The following RASGEF1C variants were observed in gnomAD, a reference collection of about 807,000 sequenced individuals.
RASGEF1C encodes RasGEF domain family member 1C, also known as ras-GEF domain-containing family member 1C.
A neutral mutation model predicts 58.1 loss-of-function variants in RASGEF1C; 27 were observed. That is an observed-to-expected ratio of 0.46 (90% CI 0.34 to 0.64). The LOEUF (loss-of-function observed/expected upper bound fraction) is 0.64, where lower values mean the gene tolerates loss of function less well. Among genes scored for constraint, RASGEF1C ranks in the 30% least tolerant of loss-of-function variants. The pLI is 0.01. For synonymous variants in RASGEF1C, 243 were observed against 246.3 expected (o/e 0.99, Z 0.13); for missense variants, 502 against 605.1 (o/e 0.83, Z 1.79).
intron 1 of RASGEF1C, 114 bp from the exon 2 acceptor site, chr5:180,138,172 A>C: frequency 3.4e-6 from 2 of 593,642 alleles, no homozygotes; most frequent in Non-Finnish European, 5.6e-6. Context: ...CCCCACAGCC[A>C]CTTTGTGCCA....
chr5:180,173,783 G>A (rs150593438), intron 1 of RASGEF1C, among the ~76,000 whole-genome samples: 7 of 151,930 alleles, frequency 4.6e-5, no homozygotes, highest in African/African-American at 7.3e-5. Flanking sequence ...CGTGGTGGTG[G>A]GCGCCTGTAA....
intron 1 of RASGEF1C, among the ~76,000 whole-genome samples, chr5:180,173,529 C>G (rs1364390495): frequency 2.0e-5 from 3 of 152,188 alleles, no homozygotes; most frequent in Non-Finnish European, 4.4e-5. Context: ...CTGTCAAGGT[C>G]TGGAAAATCT....
chr5:180,153,310 C>T (rs991466821), intron 1 of RASGEF1C, among the ~76,000 whole-genome samples: 1 of 152,194 alleles, frequency 6.6e-6, no homozygotes, highest in Non-Finnish European at 1.5e-5. Context: ...CTGGCTCCCA[C>T]AGGCTGTGTG....
chr5:180,209,205 G>C lies in RASGEF1C; in HGVS notation c.-184C>G, dbSNP rs895202021. 19 of 147,418 alleles carry C rather than the reference G, an allele frequency of 1.3e-4. No individual in the cohort carries two copies. The highest frequency in any genetic ancestry group is 2.7e-4 in the African/African-American group (11 of 41,024). The allele number at this position is 147,418 out of a possible 1,614,324, so 9.1% of individuals were successfully genotyped here. Reference sequence around the variant, plus strand: ...ACGAGCGCCTGGCGGCGGCCCCGGAGCAACGCGGCGCTGCGCCCCCTCGTG... The same window carrying C: ...ACGAGCGCCTGGCGGCGGCCCCGGACCAACGCGGCGCTGCGCCCCCTCGTG... On this transcript the variant is annotated 5_prime_UTR_variant, in exon 1 of 14. Transcript: ENST00000361132.
chr5:180,195,901 T>A (rs1446095776), intron 1 of RASGEF1C, among the ~76,000 whole-genome samples: 1 of 152,110 alleles, frequency 6.6e-6, no homozygotes, highest in Admixed American at 6.6e-5. Context: ...GTCCCCACTA[T>A]CTGGAATATT....
At position 180,101,187 on chromosome 5, in the gene RASGEF1C, C is replaced by G. The variant is rs917882324; in HGVS notation, c.*314G>C. The G allele has an allele frequency of 2.4e-6, 1 of 422,936 alleles. No homozygotes were observed. The highest frequency in any genetic ancestry group is 2.0e-5 in the African/African-American group (1 of 50,382). The allele number at this position is 422,936 out of a possible 1,614,324, so 26.2% of individuals were successfully genotyped here. ...CTCGAGCTTGCAGTGGTCCCACCCT[C>G]TGGGGCAGTGTTGTGTCCTTGCCGA... On this transcript the variant is annotated 3_prime_UTR_variant, in exon 14 of 14. Coordinates refer to ENST00000361132, the MANE Select transcript of RASGEF1C (RefSeq NM_175062.4).
chr5:180,114,321 G>A (rs772497765), intron 11 of RASGEF1C, 125 bp downstream of exon 11: 34 of 805,510 alleles, frequency 4.2e-5, no homozygotes, highest in South Asian at 8.0e-5. Flanking sequence ...TGCCAAGGTC[G>A]GCTGTGAACT....
chr5:180,175,966 C>T (rs894129988), intron 1 of RASGEF1C, among the ~76,000 whole-genome samples: 11 of 152,264 alleles, frequency 7.2e-5, no homozygotes, highest in Middle Eastern at 3.4e-3. Context: ...CCAGCCTGGG[C>T]GACAGAGCGG....
chr5:180,109,203 T>C (rs549142062), intron 12 of RASGEF1C, among the ~76,000 whole-genome samples: 1 of 152,266 alleles, frequency 6.6e-6, no homozygotes, highest in South Asian at 2.1e-4. Context: ...ACGCCTGTAA[T>C]CCCAGCACTT....
chr5:180,208,008 C>G (rs906233082), intron 1 of RASGEF1C, among the ~76,000 whole-genome samples: 5 of 152,176 alleles, frequency 3.3e-5, no homozygotes, highest in Non-Finnish European at 7.4e-5. Context: ...TGAGCACTTA[C>G]GGGGGCAGGC....
At chr5:180,118,508 T>C (rs778354117) in intron 10 of RASGEF1C, 101 bp downstream of exon 10, 15 of 1,105,488 alleles carry the variant, frequency 1.4e-5, no homozygotes, top group Non-Finnish European at 2.0e-5. Flanking sequence ...TGGCTGTCTA[T>C]TACTGATGCT....
intron 1 of RASGEF1C, among the ~76,000 whole-genome samples, chr5:180,191,457 C>T (rs998188098): frequency 3.3e-5 from 5 of 152,144 alleles, no homozygotes; most frequent in African/African-American, 4.8e-5. Flanking sequence ...CCCGGGTTCA[C>T]GCCATTCTCC....
chr5:180,192,393 G>A (rs1756179445), intron 1 of RASGEF1C, among the ~76,000 whole-genome samples: 1 of 152,084 alleles, frequency 6.6e-6, no homozygotes, highest in Admixed American at 6.5e-5. Flanking sequence ...CTGGGGTGAG[G>A]CTCTCAAGAG....
chr5:180,188,265 A>C (rs1364656009), intron 1 of RASGEF1C, among the ~76,000 whole-genome samples: 1 of 152,238 alleles, frequency 6.6e-6, no homozygotes, highest in Non-Finnish European at 1.5e-5. Context: ...TTTATATGAA[A>C]TATCCAGAAT....
At chr5:180,128,940 C>T (rs931881114) in intron 4 of RASGEF1C, among the ~76,000 whole-genome samples, 7 of 152,182 alleles carry the variant, frequency 4.6e-5, no homozygotes, top group African/African-American at 9.7e-5. Context: ...GGGGTGGGCA[C>T]GGCCAGGAAG....
At position 180,145,806 on chromosome 5, in the gene RASGEF1C, C is replaced by T. The variant is rs374534277; in HGVS notation, c.-6-7748G>A. Reference sequence around the variant, plus strand: ...CCCCACAGAACTGGAGCTCACGCTTCGAGCATGGCTGCTGCTGGGACCTCT... The same window carrying T: ...CCCCACAGAACTGGAGCTCACGCTTTGAGCATGGCTGCTGCTGGGACCTCT... On this transcript the variant is annotated intron_variant, in intron 1 of 13. Coordinates refer to ENST00000361132, the MANE Select transcript of RASGEF1C (RefSeq NM_175062.4). Among the ~76,000 whole-genome samples, 7 of 152,272 alleles carry T rather than the reference C, an allele frequency of 4.6e-5. No individual in the cohort carries two copies. The East Asian group carries it at 5.8e-4, about 13-fold the overall frequency.
chr5:180,173,903 A>ACT (rs1459645524), intron 1 of RASGEF1C, among the ~76,000 whole-genome samples: 128 of 117,534 alleles, frequency 1.1e-3, no homozygotes, highest in African/African-American at 3.9e-3. Flanking sequence ...ACAGAGCGAG[A>ACT]CTGTCTCAAA....
chr5:180,157,638 A>AC (rs1432690035), intron 1 of RASGEF1C, among the ~76,000 whole-genome samples: 68 of 152,022 alleles, frequency 4.5e-4, no homozygotes, highest in African/African-American at 1.4e-3. Flanking sequence ...AAAAAAAAAA[A>AC]AACAACAAAA....
rs199522302 is a variant in RASGEF1C at position 180,128,557 on chromosome 5, C to G, written c.492G>C (p.Ala164=). Residue 164 remains alanine (A), a synonymous_variant, in exon 5 of 14, where the codon GCG becomes GCC. Coordinates refer to ENST00000361132, the MANE Select transcript of RASGEF1C (RefSeq NM_175062.4). Reference sequence around the variant, plus strand: ...GACCTTCTGGCCCCTGGCGCAGAGCCGCCAGCTTCTGGTGCAGAGCCTGTA... The same window carrying G: ...GACCTTCTGGCCCCTGGCGCAGAGCGGCCAGCTTCTGGTGCAGAGCCTGTA... ...QLLQALHQKL[A]ALRQGPEGLV... 1.9e-6 allele frequency: 3 copies of G among 1,613,972 alleles called. No homozygotes were observed. Among genetic ancestry groups the G allele is most frequent in the Non-Finnish European group, 2.5e-6 (3 of 1,180,030 alleles).
Sources: gnomAD v4.1 joint callset for allele counts (sites outside exome capture counted in the v4.1 genomes callset) on GRCh38, gnomAD v4.1.1 for gene constraint, MANE v1.5 for transcripts, NCBI Gene and HGNC (gene_info 2026-07-23, HGNC 2026-07-21) for gene names.